WWOX: variants seen among roughly 807,000 people sequenced by gnomAD.
WWOX encodes WW domain containing oxidoreductase.
WWOX carries 69 observed loss-of-function variants against 46.2 expected under a neutral mutation model. The observed-to-expected ratio is 1.49, with a 90% confidence interval of 1.23 to 1.82. WWOX has a LOEUF of 1.82. Ranked by LOEUF, WWOX falls within the 40% of genes most tolerant of loss-of-function variation. WWOX has a pLI of 0.00. For missense variants in WWOX, 919 were observed against 542.6 expected (o/e 1.69, Z -6.89); for synonymous variants, 359 against 202.6 (o/e 1.77, Z -6.56).
intron 8 of WWOX, among the ~76,000 whole-genome samples, chr16:78,972,849 G>A (rs1459037314): frequency 6.6e-6 from 1 of 152,116 alleles, no homozygotes; most frequent in Non-Finnish European, 1.5e-5. Flanking sequence ...TAATAAATCT[G>A]TCCTCTGAAC....
intron 8 of WWOX, among the ~76,000 whole-genome samples, chr16:78,590,865 G>C (rs377660475): frequency 5.9e-5 from 9 of 152,148 alleles, no homozygotes; most frequent in African/African-American, 2.2e-4. Context: ...TAAGAGCTCA[G>C]ACTCCAGCGT....
chr16:78,443,979 C>T (rs994131376), intron 8 of WWOX, among the ~76,000 whole-genome samples: 1 of 152,168 alleles, frequency 6.6e-6, no homozygotes, highest in Non-Finnish European at 1.5e-5. Context: ...AATGTTTCTT[C>T]TGTGAACAGT....
intron 8 of WWOX, among the ~76,000 whole-genome samples, chr16:78,690,073 C>T (rs2047950833): frequency 6.6e-6 from 1 of 152,052 alleles, no homozygotes; most frequent in Non-Finnish European, 1.5e-5. Flanking sequence ...GTTGACCAGG[C>T]TGGTCTCGAT....
intron 8 of WWOX, among the ~76,000 whole-genome samples, chr16:78,763,866 T>C (rs1442780329): frequency 6.6e-6 from 1 of 152,218 alleles, no homozygotes; most frequent in Admixed American, 6.5e-5. Flanking sequence ...TGCAGAGTTT[T>C]TGGGGAGTCT....
intron 8 of WWOX, among the ~76,000 whole-genome samples, chr16:78,461,906 T>C (rs957342939): frequency 3.3e-5 from 5 of 152,232 alleles, no homozygotes; most frequent in African/African-American, 9.6e-5. Context: ...GAAATATTGT[T>C]GTAAGACTTT....
At chr16:78,887,254 C>G (rs914553344) in intron 8 of WWOX, among the ~76,000 whole-genome samples, 1 of 151,878 alleles carries the variant, frequency 6.6e-6, no homozygotes, top group Admixed American at 6.6e-5. Flanking sequence ...CTGTAAAATG[C>G]TATTTCATTA....
chr16:78,239,362 A>G (rs1483698982), intron 5 of WWOX, among the ~76,000 whole-genome samples: 21 of 152,226 alleles, frequency 1.4e-4, no homozygotes, highest in Admixed American at 1.4e-3. Context: ...CCCGTGAGGA[A>G]GGAAGAGCCT....
At chr16:79,175,839 C>G (rs2050789675) in intron 8 of WWOX, among the ~76,000 whole-genome samples, 1 of 152,170 alleles carries the variant, frequency 6.6e-6, no homozygotes, top group East Asian at 1.9e-4. Flanking sequence ...CCCACACATC[C>G]TGCTCCCCAC....
At chr16:78,479,609 C>T (rs1169357611) in intron 8 of WWOX, among the ~76,000 whole-genome samples, 1 of 152,140 alleles carries the variant, frequency 6.6e-6, no homozygotes, top group Middle Eastern at 3.2e-3. Flanking sequence ...AATAGACTGT[C>T]ACTGCTCTCG....
chr16:78,995,564 TA>T lies in WWOX; in HGVS notation c.1057-216034del, dbSNP rs564449666. Among the ~76,000 whole-genome samples the T allele has an allele frequency of 1.2e-3, 167 of 143,054 alleles. 3 individuals are homozygous for T. The highest frequency in any genetic ancestry group is 3.9e-3 in the African/African-American group (153 of 38,760). 93.8% of individuals were successfully genotyped at this position (143,054 alleles called of 152,430 possible). ...ATAAATATGGTTGCCACTGTCTTTA[TA>T]AAAAAAAAAGAAAAAGAAAAAGAAA... On this transcript the variant is annotated intron_variant, in intron 8 of 8. Coordinates refer to ENST00000566780, the MANE Select transcript of WWOX (RefSeq NM_016373.4).
intron 8 of WWOX, among the ~76,000 whole-genome samples, chr16:78,572,993 T>C (rs1338830917): frequency 6.6e-6 from 1 of 152,010 alleles, no homozygotes; most frequent in Non-Finnish European, 1.5e-5. Context: ...GTAGTAAAAA[T>C]TAAAAAAATT....
intron 8 of WWOX, among the ~76,000 whole-genome samples, chr16:78,507,116 T>C (rs542878219): frequency 6.6e-6 from 1 of 152,328 alleles, no homozygotes; most frequent in South Asian, 2.1e-4. Flanking sequence ...TAGACTTTGA[T>C]AGTGTTCTTC....
intron 5 of WWOX, among the ~76,000 whole-genome samples, chr16:78,227,898 T>C (rs1434830900): frequency 6.6e-6 from 1 of 151,868 alleles, no homozygotes; most frequent in South Asian, 2.1e-4. Context: ...AAAAGAAACA[T>C]ACCGGGAGAT....
At position 78,618,972 on chromosome 16, in the gene WWOX, A is replaced by C. The variant is rs74371006; in HGVS notation, c.1056+186220A>C. Among the ~76,000 whole-genome samples, 1,136 of 149,064 alleles carry C rather than the reference A, an allele frequency of 7.6e-3. 18 individuals are homozygous for C. The highest frequency in any genetic ancestry group is 0.027 in the African/African-American group (1,093 of 40,312). On this transcript the variant is annotated intron_variant, in intron 8 of 8. Transcript: ENST00000566780. The stretch of plus-strand genomic sequence containing the variant: ...AAGAACAAAGACTTTAAGATACTGA[A>C]ATTTCTGGGCAAAGTTTCCTCAACT...
intron 8 of WWOX, among the ~76,000 whole-genome samples, chr16:79,068,823 T>C (rs201938591): frequency 2.1e-5 from 1 of 48,032 alleles, no homozygotes; most frequent in African/African-American, 1.1e-4. Flanking sequence ...AAAAACCCAA[T>C]AATAATAATA....
intron 5 of WWOX, among the ~76,000 whole-genome samples, chr16:78,184,323 G>C (rs2151756642): frequency 6.6e-6 from 1 of 152,234 alleles, no homozygotes; most frequent in South Asian, 2.1e-4. Flanking sequence ...GCAAGGGACA[G>C]ACTGTAGCGA....
At chr16:78,322,696 T>C (rs1489877891) in intron 5 of WWOX, among the ~76,000 whole-genome samples, 1 of 152,240 alleles carries the variant, frequency 6.6e-6, no homozygotes, top group Non-Finnish European at 1.5e-5. Flanking sequence ...AAAGTTACTC[T>C]GTGGAGCAGG....
intron 5 of WWOX, among the ~76,000 whole-genome samples, chr16:78,177,303 T>C (rs1224560289): frequency 6.6e-6 from 1 of 152,202 alleles, no homozygotes; most frequent in Non-Finnish European, 1.5e-5. Flanking sequence ...TTATCCAACA[T>C]CTATTACGTG....
At chr16:79,060,632 TGAA>T (rs1209294407) in intron 8 of WWOX, among the ~76,000 whole-genome samples, 1 of 152,218 alleles carries the variant, frequency 6.6e-6, no homozygotes, top group African/African-American at 2.4e-5. Flanking sequence ...ACTGGACACT[TGAA>T]GAGTATTTTC....
Sources: gnomAD v4.1 joint callset for allele counts (sites outside exome capture counted in the v4.1 genomes callset) on GRCh38, gnomAD v4.1.1 for gene constraint, MANE v1.5 for transcripts, NCBI Gene and HGNC (gene_info 2026-07-23, HGNC 2026-07-21) for gene names.